The following RAD17 variants were observed in gnomAD, a reference collection of about 807,000 sequenced individuals.
RAD17 encodes the protein RAD17 checkpoint clamp loader component, also known as cell cycle checkpoint protein RAD17.
RAD17 carries 31 observed loss-of-function variants against 81.5 expected under a neutral mutation model. The observed-to-expected ratio is 0.38, with a 90% CI of 0.29 to 0.51. The LOEUF (loss-of-function observed/expected upper bound fraction) is 0.51, where lower values mean the gene tolerates loss of function less well. Ranked by LOEUF, RAD17 falls within the 20% of genes least tolerant of loss-of-function variation. RAD17 has a pLI of 0.88. For missense variants in RAD17, 681 were observed against 781.2 expected (o/e 0.87, Z 1.53); for synonymous variants, 261 against 266.2 (o/e 0.98, Z 0.19).
chr5:69,371,284 T>A (rs1429306698), intron 2 of RAD17, 113 bp downstream of exon 2: 1 of 510,182 alleles, frequency 2.0e-6, no homozygotes, highest in East Asian at 3.4e-5. Flanking sequence ...TTATAGTCAT[T>A]AAAATTATTT....
chr5:69,384,744 T>C, intron 7 of RAD17, 53 bp from the exon 8 acceptor site: 1 of 1,504,190 alleles, frequency 6.6e-7, no homozygotes, highest in Non-Finnish European at 9.1e-7. Context: ...AGATGTATAA[T>C]ATTAATGTAT....
Position 69,393,354 on chromosome 5 carries a change from G to C in RAD17, c.1276G>C (p.Glu426Gln). 1 of 1,587,216 alleles carries C rather than the reference G, an allele frequency of 6.3e-7. No homozygotes were observed. Among genetic ancestry groups the C allele is most frequent in the Non-Finnish European group, 8.6e-7 (1 of 1,165,996 alleles). Residue 426 changes from glutamate to glutamine, a missense_variant and splice_region_variant, in exon 15 of 19, where the codon GAG (glutamate) becomes CAG (glutamine). Transcript: ENST00000354868. The part of the protein sequence containing the change: ...ERDTLLVEPE[E>Q]VVEMSHMPGD... ...TATGTATATATGCTTCTTTTTATAGGAGGTAGTAGAAATGTCACACATGCC... is the reference window on the plus strand; with the variant it reads ...TATGTATATATGCTTCTTTTTATAGCAGGTAGTAGAAATGTCACACATGCC...
At chr5:69,384,018 T>C (rs1764016273) in intron 7 of RAD17, 1 of 151,966 alleles carries the variant, frequency 6.6e-6, no homozygotes, top group Non-Finnish European at 1.5e-5. Context: ...ATTCAATAAT[T>C]AGCCAGGCGT....
rs1303913209 is a variant in RAD17, at chr5:69,369,907, C to T, written c.-443C>T. On this transcript the variant is annotated 5_prime_UTR_variant, in exon 1 of 19. Transcript: ENST00000354868. ...AGTCCCTGGTCGCCTCCGCTCTTCG[C>T]CTAAAAGGGGATGCAGCTCCGGGAA... 3 of 585,390 alleles carry T rather than the reference C, an allele frequency of 5.1e-6. No individual in the cohort carries two copies. The highest frequency in any genetic ancestry group is 3.8e-5 in the African/African-American group (2 of 52,038). 36.3% of individuals were successfully genotyped at this position (585,390 alleles called of 1,614,324 possible).
chr5:69,376,762 C>CT (rs78888225), intron 6 of RAD17, among the ~76,000 whole-genome samples: 126,058 of 148,796 alleles, frequency 0.85, 54,623 homozygotes, highest in Non-Finnish European at 0.94. Flanking sequence ...ATCCTTCTCT[C>CT]TTTTTTTTTT....
chr5:69,391,237 A>C (rs1376894459), intron 12 of RAD17, among the ~76,000 whole-genome samples: 2 of 152,080 alleles, frequency 1.3e-5, no homozygotes, highest in Non-Finnish European at 2.9e-5. Flanking sequence ...CTCAAAAAAA[A>C]AAAAAAAAAA....
Position 69,414,438 on chromosome 5 carries a change from C to A in RAD17, c.*146C>A. On this transcript the variant is annotated 3_prime_UTR_variant, in exon 19 of 19. Coordinates refer to ENST00000354868, the MANE Select transcript of RAD17 (RefSeq NM_133338.3). ...CTTGTAGTATTTCATCACAAGAAAC[C>A]TACTCTTCTGTCATCTTGAAGTAAA... 1 of 918,766 alleles carries A rather than the reference C, an allele frequency of 1.1e-6. No individual in the cohort carries two copies. 56.9% of individuals were successfully genotyped at this position (918,766 alleles called of 1,614,324 possible).
intron 6 of RAD17, among the ~76,000 whole-genome samples, chr5:69,380,746 CTG>C (rs1234679170): frequency 6.6e-6 from 1 of 150,574 alleles, no homozygotes. Flanking sequence ...AGTCCTATCT[CTG>C]GTAAATATGT....
At chr5:69,381,251 C>T (rs1050841854) in intron 6 of RAD17, among the ~76,000 whole-genome samples, 40 of 151,940 alleles carry the variant, frequency 2.6e-4, no homozygotes, top group African/African-American at 8.9e-4. Flanking sequence ...GAGACCATGG[C>T]GGGCAAATCA....
chr5:69,409,942 A>G (rs1765863335), intron 17 of RAD17, among the ~76,000 whole-genome samples: 1 of 152,188 alleles, frequency 6.6e-6, no homozygotes, highest in South Asian at 2.1e-4. Context: ...TTTTGTGACT[A>G]GTTGCACTTA....
intron 6 of RAD17, among the ~76,000 whole-genome samples, chr5:69,375,979 T>C (rs895484838): frequency 1.3e-5 from 2 of 152,228 alleles, no homozygotes; most frequent in Admixed American, 1.3e-4. Context: ...GATTAACTTA[T>C]TCGTCTATCC....
chr5:69,395,013 C>T (rs904490467), intron 15 of RAD17, among the ~76,000 whole-genome samples: 1 of 152,174 alleles, frequency 6.6e-6, no homozygotes, highest in Non-Finnish European at 1.5e-5. Flanking sequence ...GATCACACCA[C>T]TGCACTCCAG....
chr5:69,388,592 G>A (rs1390932481), intron 11 of RAD17, among the ~76,000 whole-genome samples: 1 of 151,930 alleles, frequency 6.6e-6, no homozygotes, highest in Admixed American at 6.6e-5. Context: ...TAGCATGAAG[G>A]CTTTTTAGTT....
At chr5:69,378,280 C>T (rs1330105148) in intron 6 of RAD17, among the ~76,000 whole-genome samples, 3 of 152,200 alleles carry the variant, frequency 2.0e-5, no homozygotes, top group East Asian at 1.9e-4. Flanking sequence ...AGGACAGCTT[C>T]TTTCCTTCAA....
At position 69,371,567 on chromosome 5, in the gene RAD17, AC is replaced by A. The variant is rs1763002200; in HGVS notation, c.-176+11del. The A allele has an allele frequency of 7.2e-7, 1 of 1,394,466 alleles. No individual in the cohort carries two copies. 86.4% of individuals were successfully genotyped at this position (1,394,466 alleles called of 1,614,324 possible). A position where few individuals can be genotyped will look rare whatever the true frequency, so the allele number is the denominator to read the frequency against. On this transcript the variant is annotated intron_variant, in intron 3 of 18. Transcript: ENST00000354868. ...GGTATCTTCCACAAAGGTATGATAC[AC>A]TGGAATGGCCATGTAATAATTGCCT...
chr5:69,386,000 A>G (rs1173886530), intron 8 of RAD17, 43 bp from the exon 9 acceptor site: 5 of 1,429,540 alleles, frequency 3.5e-6, no homozygotes, highest in African/African-American at 1.5e-5. Context: ...TAAATTTGCA[A>G]TGGAATAAAA....
At chr5:69,393,636 A>G in intron 15 of RAD17, 136 bp downstream of exon 15, 1 of 776,918 alleles carries the variant, frequency 1.3e-6, no homozygotes, top group East Asian at 2.8e-5. Flanking sequence ...AGTTAATGTA[A>G]CCAACTCAGT....
At chr5:69,409,415 A>T (rs1330650718) in intron 17 of RAD17, among the ~76,000 whole-genome samples, 1 of 152,138 alleles carries the variant, frequency 6.6e-6, no homozygotes, top group African/African-American at 2.4e-5. Flanking sequence ...AATGTTCATC[A>T]AGCTGAGCCC....
At chr5:69,406,749 C>CT (rs1765629125) in intron 17 of RAD17, among the ~76,000 whole-genome samples, 1 of 151,942 alleles carries the variant, frequency 6.6e-6, no homozygotes, top group African/African-American at 2.4e-5. Context: ...TCAAGCAATC[C>CT]TCCCACCTCA....
Sources: allele counts gnomAD v4.1 joint callset (sites outside exome capture counted in the v4.1 genomes callset), GRCh38; gene constraint gnomAD v4.1.1; transcripts MANE v1.5; gene names NCBI Gene and HGNC (gene_info 2026-07-23, HGNC 2026-07-21).